ANO3: variants seen among roughly 807,000 people sequenced by gnomAD.
ANO3 encodes the protein anoctamin 3, also known as anoctamin-3.
ANO3 carries 99 observed loss-of-function variants against 144.8 expected under a neutral mutation model. The observed-to-expected ratio is 0.68, with a 90% CI of 0.58 to 0.81. ANO3 has a LOEUF of 0.81. Ranked by LOEUF, ANO3 falls within the 30% of genes least tolerant of loss-of-function variation. The pLI is 0.00. For missense variants in ANO3, 905 were observed against 1,202.2 expected (o/e 0.75, Z 3.66); for synonymous variants, 414 against 392.6 (o/e 1.05, Z -0.64).
At chr11:26,249,065 A>T (rs990546197) in intron 1 of ANO3, among the ~76,000 whole-genome samples, 3 of 152,136 alleles carry the variant, frequency 2.0e-5, no homozygotes, top group Non-Finnish European at 4.4e-5. Context: ...AGATGTCTTA[A>T]TTTCTTTATT....
At chr11:26,235,429 C>T (rs1306451605) in intron 1 of ANO3, among the ~76,000 whole-genome samples, 2 of 151,998 alleles carry the variant, frequency 1.3e-5, no homozygotes, top group African/African-American at 4.8e-5. Flanking sequence ...GTTTCAAATA[C>T]CACAAGATTA....
At chr11:26,655,780 T>C (rs759986488) in intron 24 of ANO3, among the ~76,000 whole-genome samples, 1 of 152,150 alleles carries the variant, frequency 6.6e-6, no homozygotes, top group Non-Finnish European at 1.5e-5. Flanking sequence ...TTAATTATAA[T>C]TGAATAATAT....
intron 1 of ANO3, among the ~76,000 whole-genome samples, chr11:26,395,692 G>A (rs1856993165): frequency 6.6e-6 from 1 of 151,756 alleles, no homozygotes; most frequent in African/African-American, 2.4e-5. Flanking sequence ...CAAGCAATGG[G>A]GAAAGGATAC....
At chr11:26,625,016 G>A (rs775477994) in intron 18 of ANO3, among the ~76,000 whole-genome samples, 1 of 151,328 alleles carries the variant, frequency 6.6e-6, no homozygotes, top group South Asian at 2.1e-4. Flanking sequence ...GCTGCACCTC[G>A]CAGGTTCACG....
chr11:26,465,148 G>T (rs1041102136), intron 4 of ANO3, among the ~76,000 whole-genome samples: 1 of 149,202 alleles, frequency 6.7e-6, no homozygotes, highest in African/African-American at 2.5e-5. Flanking sequence ...GTGTGTGTGT[G>T]TGTGTGTGTG....
intron 6 of ANO3, among the ~76,000 whole-genome samples, chr11:26,518,500 G>A (rs995329878): frequency 2.6e-5 from 4 of 151,902 alleles, no homozygotes; most frequent in South Asian, 2.1e-4. Context: ...GTCAAACTTC[G>A]TAAAAATATT....
intron 1 of ANO3, among the ~76,000 whole-genome samples, chr11:26,288,399 T>C (rs1853857446): frequency 6.6e-6 from 1 of 152,222 alleles, no homozygotes; most frequent in Admixed American, 6.5e-5. Flanking sequence ...TTCCTTGTTG[T>C]TGTTGTTTTA....
chr11:26,378,419 T>TTATTTATC (rs1554946636), intron 1 of ANO3, among the ~76,000 whole-genome samples: 3 of 144,768 alleles, frequency 2.1e-5, no homozygotes, highest in Admixed American at 1.4e-4. Context: ...TATATATTAT[T>TTATTTATC]TATCTATCTA....
upstream of ANO3, among the ~76,000 whole-genome samples, chr11:26,329,088 G>T (rs537507234): frequency 2.0e-5 from 3 of 151,784 alleles, no homozygotes; most frequent in Non-Finnish European, 4.4e-5. Context: ...AAAAATAGTA[G>T]GAAAAAGCAA....
In ANO3 at chr11:26,314,659, T is replaced by A. The variant is rs561812123; in HGVS notation, c.-3+4940T>A. ...ACCAGGTTTGTCTGGAGCCTCTTGC[T>A]GTCATCCCACTCTGTTGGGCAAAGA... On this transcript the variant is annotated intron_variant, in intron 1 of 26. Transcript: ENST00000525139. Among the ~76,000 whole-genome samples the A allele has an allele frequency of 6.6e-5, 10 of 152,298 alleles. No individual in the cohort carries two copies. In the East Asian group the frequency reaches 1.9e-3, roughly 29 times the overall value.
At chr11:26,614,117 G>C (rs1852179686) in intron 17 of ANO3, among the ~76,000 whole-genome samples, 1 of 152,198 alleles carries the variant, frequency 6.6e-6, no homozygotes, top group African/African-American at 2.4e-5. Flanking sequence ...CTTTCAGGCT[G>C]TACATGAACA....
intron 1 of ANO3, among the ~76,000 whole-genome samples, chr11:26,363,957 A>G (rs979527791): frequency 6.6e-5 from 10 of 152,200 alleles, no homozygotes; most frequent in African/African-American, 2.4e-4. Context: ...TACTTGGTCC[A>G]TTAAGCCATG....
intron 13 of ANO3, among the ~76,000 whole-genome samples, chr11:26,555,146 A>T (rs1020025394): frequency 6.6e-6 from 1 of 152,202 alleles, no homozygotes; most frequent in African/African-American, 2.4e-5. Context: ...ACAAATGTTT[A>T]GTTTTTCATT....
intron 1 of ANO3, among the ~76,000 whole-genome samples, chr11:26,240,228 T>C (rs1163725778): frequency 2.0e-5 from 3 of 152,224 alleles, no homozygotes; most frequent in Admixed American, 1.3e-4. Context: ...AAGGTTATTA[T>C]TATTATTCAG....
intron 1 of ANO3, among the ~76,000 whole-genome samples, chr11:26,280,169 G>A (rs977555231): frequency 2.0e-5 from 3 of 152,118 alleles, no homozygotes; most frequent in African/African-American, 7.2e-5. Flanking sequence ...TACCACATGT[G>A]CAGAGTTGTG....
chr11:26,349,634 C>T (rs1026633732), intron 1 of ANO3, among the ~76,000 whole-genome samples: 1 of 152,002 alleles, frequency 6.6e-6, no homozygotes, highest in Admixed American at 6.6e-5. Flanking sequence ...CTGCAAGCTC[C>T]GCCTCCCGGG....
chr11:26,581,476 G>T (rs963424551), intron 14 of ANO3, among the ~76,000 whole-genome samples: 4 of 152,006 alleles, frequency 2.6e-5, no homozygotes, highest in African/African-American at 9.7e-5. Flanking sequence ...ATCACCTGAG[G>T]TCAGGAGTTC....
chr11:26,341,218 GA>G (rs1384956141), intron 1 of ANO3, among the ~76,000 whole-genome samples: 2 of 151,620 alleles, frequency 1.3e-5, no homozygotes, highest in East Asian at 3.9e-4. Flanking sequence ...AGAATGACTT[GA>G]AAAAAATGTA....
chr11:26,298,474 G>T (rs1372582477), intron 1 of ANO3, among the ~76,000 whole-genome samples: 1 of 152,178 alleles, frequency 6.6e-6, no homozygotes, highest in Non-Finnish European at 1.5e-5. Context: ...AAAGACTTGT[G>T]TTTTCAATAT....
Sources: gnomAD v4.1 joint callset for allele counts (sites outside exome capture counted in the v4.1 genomes callset) on GRCh38, gnomAD v4.1.1 for gene constraint, MANE v1.5 for transcripts, NCBI Gene and HGNC (gene_info 2026-07-23, HGNC 2026-07-21) for gene names.